Variants in ATP8B4 observed in about 807,000 individuals in gnomAD.
The protein encoded by ATP8B4 is probable phospholipid-transporting ATPase IM.
A neutral mutation model predicts 145.6 loss-of-function variants in ATP8B4; 133 were observed. The ratio of observed to expected loss-of-function variants is 0.91; its 90% CI spans 0.79 to 1.05. The LOEUF is 1.05. Among genes scored for constraint, ATP8B4 ranks in the 50% least tolerant of loss-of-function variants. ATP8B4 has a pLI of 0.00. For synonymous variants in ATP8B4, 507 were observed against 492.9 expected (o/e 1.03, Z -0.38); for missense variants, 1,458 against 1,425.2 (o/e 1.02, Z -0.37).
At chr15:50,042,898 C>T (rs1187977249) in intron 5 of ATP8B4, among the ~76,000 whole-genome samples, 1 of 152,056 alleles carries the variant, frequency 6.6e-6, no homozygotes, top group African/African-American at 2.4e-5. Flanking sequence ...GAACGAAGAG[C>T]CAATGGGCCA....
intron 2 of ATP8B4, among the ~76,000 whole-genome samples, chr15:50,085,937 TTATA>T (rs1334746834): frequency 4.2e-5 from 3 of 71,648 alleles, no homozygotes; most frequent in South Asian, 3.6e-4. Context: ...TCATATATAT[TTATA>T]TATGATATAT....
intron 1 of ATP8B4, among the ~76,000 whole-genome samples, chr15:50,176,636 AAG>A (rs1284765572): frequency 2.6e-5 from 4 of 152,226 alleles, no homozygotes; most frequent in Admixed American, 6.5e-5. Flanking sequence ...ATATTGAAAG[AAG>A]AGAGAGAAAG....
intron 2 of ATP8B4, among the ~76,000 whole-genome samples, chr15:50,094,329 A>G (rs1202123648): frequency 1.3e-5 from 2 of 152,090 alleles, no homozygotes; most frequent in African/African-American, 4.8e-5. Flanking sequence ...AAACTAAAAC[A>G]TTGGCTCTTC....
intron 1 of ATP8B4, among the ~76,000 whole-genome samples, chr15:50,160,378 T>C (rs1488217366): frequency 1.3e-5 from 2 of 152,014 alleles, no homozygotes; most frequent in African/African-American, 2.4e-5. Flanking sequence ...TTCAATTTCA[T>C]TTATTTTTGG....
At chr15:50,173,320 CAT>C (rs1411800412) in intron 1 of ATP8B4, among the ~76,000 whole-genome samples, 2 of 152,124 alleles carry the variant, frequency 1.3e-5, no homozygotes, top group African/African-American at 4.8e-5. Flanking sequence ...AAGAAGTAGA[CAT>C]AGGAGACTCC....
chr15:50,042,192 T>G (rs375485711), intron 5 of ATP8B4, among the ~76,000 whole-genome samples: 3 of 151,484 alleles, frequency 2.0e-5, no homozygotes, highest in Admixed American at 6.6e-5. Flanking sequence ...TCAAAGGTTA[T>G]AGTCAAAATG....
intron 25 of ATP8B4, among the ~76,000 whole-genome samples, 156 bp from the exon 26 acceptor site, chr15:49,866,640 CA>C (rs929676229): frequency 6.6e-6 from 1 of 152,216 alleles, no homozygotes; most frequent in African/African-American, 2.4e-5. Flanking sequence ...TGAACACACA[CA>C]GGGGACTGAT....
At chr15:49,927,098 G>C (rs1177843789) in intron 16 of ATP8B4, among the ~76,000 whole-genome samples, 1 of 151,984 alleles carries the variant, frequency 6.6e-6, no homozygotes, top group African/African-American at 2.4e-5. Context: ...AGAATTAGTA[G>C]AATTGGTCCT....
chr15:49,978,577 T>G (rs1053549045), intron 12 of ATP8B4, among the ~76,000 whole-genome samples: 1 of 152,202 alleles, frequency 6.6e-6, no homozygotes, highest in Middle Eastern at 3.4e-3. Flanking sequence ...TTGGAGCTGA[T>G]GATTTTGTGT....
chr15:50,086,041 TA>T (rs1409387565), intron 2 of ATP8B4, among the ~76,000 whole-genome samples: 1 of 108,132 alleles, frequency 9.2e-6, no homozygotes, highest in African/African-American at 4.0e-5. Context: ...ATATATAATA[TA>T]ATATATAGAT....
chr15:49,936,891 C>T (rs980809964), intron 14 of ATP8B4, among the ~76,000 whole-genome samples: 1 of 151,790 alleles, frequency 6.6e-6, no homozygotes, highest in Non-Finnish European at 1.5e-5. Context: ...AATCTTCCAG[C>T]CCTTCTATTG....
At chr15:49,936,414 T>G (rs2041739950) in intron 14 of ATP8B4, among the ~76,000 whole-genome samples, 1 of 152,156 alleles carries the variant, frequency 6.6e-6, no homozygotes, top group Admixed American at 6.6e-5. Flanking sequence ...TGCCTCACAC[T>G]TGTCTCATGG....
chr15:50,072,929 T>TCTCTCC (rs2053854497), intron 3 of ATP8B4, among the ~76,000 whole-genome samples: 1 of 11,174 alleles, frequency 8.9e-5, no homozygotes, highest in African/African-American at 3.4e-4. Context: ...GGCCTCTCTC[T>TCTCTCC]CTCTCTCTCT....
At position 49,934,023 on chromosome 15, in the gene ATP8B4, T is replaced by A; in HGVS notation, c.1447A>T (p.Ser483Cys). Residue 483 changes from serine to cysteine, a missense_variant, in exon 15 of 28, where the codon AGC becomes TGC. Physicochemically the swap from Ser to Cys is moderately radical, Grantham distance 112. Transcript: ENST00000284509. ...LCHTVMSEEN[S>C]AGELIYQVQS... ...GACATAACTTTTCACTTACCTGCGC[T>A]ATTCTCTTCTGACATTACAGTGTGG... 6.9e-6 allele frequency: 11 copies of A among 1,600,492 alleles called. No homozygotes were observed. The highest frequency in any genetic ancestry group is 8.5e-6 in the Non-Finnish European group (10 of 1,174,798).
intron 1 of ATP8B4, among the ~76,000 whole-genome samples, chr15:50,114,840 A>C (rs549316989): frequency 6.6e-6 from 1 of 152,292 alleles, no homozygotes; most frequent in Non-Finnish European, 1.5e-5. Flanking sequence ...TTAACTCTCC[A>C]CATGGAAAAA....
chr15:49,859,006 A>C lies in ATP8B4; in HGVS notation c.*1188T>G, dbSNP rs1308836214. ...AACTGAGTCTCAGAGAAGGCACATT[A>C]TCGTCCAAGTTTATAGAGGTAAGAA... On this transcript the variant is annotated 3_prime_UTR_variant, in exon 28 of 28. Transcript: ENST00000284509. 1 of 152,242 alleles carries C rather than the reference A, an allele frequency of 6.6e-6. No individual in the cohort carries two copies. Among genetic ancestry groups the C allele is most frequent in the African/African-American group, 2.4e-5 (1 of 41,468 alleles). The allele number at this position is 152,242 out of a possible 1,614,324, so 9.4% of individuals were successfully genotyped here. A position where few individuals can be genotyped will look rare whatever the true frequency, so the allele number is the denominator to read the frequency against.
intron 1 of ATP8B4, among the ~76,000 whole-genome samples, chr15:50,142,285 A>C (rs760575113): frequency 2.0e-5 from 3 of 152,146 alleles, no homozygotes; most frequent in Non-Finnish European, 4.4e-5. Flanking sequence ...ATTTTTTATG[A>C]ATAGACTTTT....
intron 25 of ATP8B4, among the ~76,000 whole-genome samples, chr15:49,867,239 A>T (rs184835833): frequency 6.6e-6 from 1 of 152,326 alleles, no homozygotes; most frequent in East Asian, 1.9e-4. Flanking sequence ...CAAGTGATCC[A>T]CGTCCAAGTG....
chr15:49,990,205 A>G (rs958920999), intron 9 of ATP8B4, among the ~76,000 whole-genome samples: 18 of 152,174 alleles, frequency 1.2e-4, no homozygotes, highest in African/African-American at 4.3e-4. Flanking sequence ...GAGCCTAGCC[A>G]TGAAGCATAA....
Sources: allele counts gnomAD v4.1 joint callset (sites outside exome capture counted in the v4.1 genomes callset), GRCh38; gene constraint gnomAD v4.1.1; transcripts MANE v1.5; gene names NCBI Gene and HGNC (gene_info 2026-07-23, HGNC 2026-07-21).